GIT2: variants seen among roughly 807,000 people sequenced by gnomAD.
GIT2 encodes the protein GIT ArfGAP 2.
GIT2 carries 32 observed loss-of-function variants against 100.3 expected under a neutral mutation model. The ratio of observed to expected loss-of-function variants is 0.32; its 90% CI spans 0.24 to 0.43. The LOEUF (loss-of-function observed/expected upper bound fraction) is 0.43. Among genes scored for constraint, GIT2 ranks in the 20% least tolerant of loss-of-function variants. The probability of loss-of-function intolerance (pLI) is 1.00; values close to 1 mark genes in which losing one functional copy is unlikely to be tolerated. For missense variants in GIT2, 737 were observed against 975.1 expected, an observed-to-expected ratio of 0.76 and a Z score of 3.25; for synonymous variants, 353 against 364.1, an observed-to-expected ratio of 0.97 and a Z score of 0.35.
intron 7 of GIT2, among the ~76,000 whole-genome samples, chr12:109,971,732 C>A (rs958986151): frequency 1.3e-5 from 2 of 151,916 alleles, no homozygotes; most frequent in African/African-American, 4.8e-5. Context: ...GTGGCTCACA[C>A]CTGTAATCCC....
chr12:109,992,668 T>C (rs1361896330), intron 1 of GIT2, among the ~76,000 whole-genome samples: 1 of 152,034 alleles, frequency 6.6e-6, no homozygotes, highest in Admixed American at 6.6e-5. Flanking sequence ...TGAATTGGTT[T>C]GTTTGTCTGT....
intron 10 of GIT2, 107 bp from the exon 11 acceptor site, chr12:109,961,482 A>G (rs1286029604): frequency 1.1e-6 from 1 of 939,432 alleles, no homozygotes. Flanking sequence ...TGAAGCCAAC[A>G]CACGCAAAGG....
chr12:109,955,755 C>A (rs1203201396), intron 12 of GIT2, among the ~76,000 whole-genome samples: 1 of 152,062 alleles, frequency 6.6e-6, no homozygotes, highest in African/African-American at 2.4e-5. Flanking sequence ...GCTATGTCAC[C>A]CAGGCTGGAG....
Position 109,967,249 on chromosome 12 carries a change from T to C in GIT2, c.764+209A>G, listed in dbSNP as rs1312065885. On this transcript the variant is annotated intron_variant, in intron 8 of 19. Coordinates refer to ENST00000355312, the MANE Select transcript of GIT2 (RefSeq NM_057169.5). The stretch of plus-strand genomic sequence containing the variant: ...AGTGACAATATCACTGGTTTCAATT[T>C]TCCTATTAGTAAAATTGCTACTTGT... 6.9e-6 allele frequency: 8 copies of C among 1,160,652 alleles called. No homozygotes were observed. In the Admixed American group the frequency reaches 8.6e-5, roughly 12 times the overall value. 71.9% of individuals were successfully genotyped at this position (1,160,652 alleles called of 1,614,324 possible). A position where few individuals can be genotyped will look rare whatever the true frequency, so the allele number is the denominator to read the frequency against.
At chr12:109,938,261 G>C (rs534661900) in intron 18 of GIT2, 119 bp downstream of exon 18, 2 of 690,174 alleles carry the variant, frequency 2.9e-6, no homozygotes, top group South Asian at 2.0e-5. Flanking sequence ...ATGTAGACTT[G>C]TTTTCAATGA....
chr12:109,985,427 GA>G (rs551903451), intron 4 of GIT2, among the ~76,000 whole-genome samples: 3,061 of 151,986 alleles, frequency 0.02, 44 homozygotes, highest in Non-Finnish European at 0.031. Flanking sequence ...AAAGGGGGGG[GA>G]AAAAAGGCCA....
At chr12:109,966,659 AAAAAC>A (rs915836512) in intron 8 of GIT2, among the ~76,000 whole-genome samples, 75 of 152,222 alleles carry the variant, frequency 4.9e-4, no homozygotes, top group African/African-American at 1.8e-3. Context: ...CAAAGCAAAA[AAAAAC>A]AAAACAAAAC....
In GIT2 at chr12:109,948,123, T is replaced by TAAA; in HGVS notation, c.1393-622_1393-620dup. The TAAA allele has an allele frequency of 2.6e-6, 2 of 762,192 alleles. No individual in the cohort carries two copies. The highest frequency in any genetic ancestry group is 3.2e-6 in the Non-Finnish European group (2 of 631,040). The allele number at this position is 762,192 out of a possible 1,614,324, so 47.2% of individuals were successfully genotyped here. A position where few individuals can be genotyped will look rare whatever the true frequency, so the allele number is the denominator to read the frequency against. On this transcript the variant is annotated intron_variant, in intron 14 of 19. Coordinates refer to ENST00000355312, the MANE Select transcript of GIT2 (RefSeq NM_057169.5). This position sits in a 1 kb window ranked among gnomAD's most constrained non-coding sequence, Gnocchi z 4.3. ...ATATTCCAAACAATTCAGCACTTTG[T>TAAA]AAAAAAAAAAAGAAAAAAGAGAAAA...
At chr12:109,951,100 G>GC in intron 14 of GIT2, 67 bp downstream of exon 14, 1 of 1,356,212 alleles carries the variant, frequency 7.4e-7, no homozygotes, top group Non-Finnish European at 1.1e-6. Flanking sequence ...ACATCACAGT[G>GC]CCTGAGATTC....
chr12:109,966,909 TG>T (rs1275656952), intron 8 of GIT2, among the ~76,000 whole-genome samples: 2 of 152,212 alleles, frequency 1.3e-5, no homozygotes, highest in Non-Finnish European at 2.9e-5. Context: ...TTAAAATGTT[TG>T]GGGGCAAAAA....
chr12:109,973,347 G>A (rs1490800131), intron 7 of GIT2, among the ~76,000 whole-genome samples: 1 of 151,266 alleles, frequency 6.6e-6, no homozygotes, highest in Non-Finnish European at 1.5e-5. Flanking sequence ...CACCATGTTG[G>A]CCAGGCTGGT....
intron 4 of GIT2, among the ~76,000 whole-genome samples, chr12:109,988,645 G>T (rs1467720442): frequency 6.6e-6 from 1 of 151,886 alleles, no homozygotes; most frequent in Non-Finnish European, 1.5e-5. Flanking sequence ...CTGAGCTCAG[G>T]AGTTCGAAAC....
In GIT2 at chr12:109,996,293, T is replaced by C; in HGVS notation, c.-69A>G. On this transcript the variant is annotated 5_prime_UTR_variant, in exon 1 of 20. Transcript: ENST00000355312. ...GCAAAGGCGGCGGTGGCGGCGGCGC[T>C]TCCGCTCTAACGGGTCCCAGCTGCG... is the stretch of plus-strand genomic sequence containing the variant. 2 of 1,140,368 alleles carry C rather than the reference T, an allele frequency of 1.8e-6. No homozygotes were observed. Among genetic ancestry groups the C allele is most frequent in the Admixed American group, 2.2e-5 (1 of 44,516 alleles). The allele number at this position is 1,140,368 out of a possible 1,614,324, so 70.6% of individuals were successfully genotyped here.
intron 12 of GIT2, among the ~76,000 whole-genome samples, chr12:109,959,055 G>C (rs2136365467): frequency 6.6e-6 from 1 of 151,548 alleles, no homozygotes; most frequent in East Asian, 1.9e-4. Context: ...CAATCAGGAA[G>C]AGTTTTTCTT....
In GIT2 at chr12:109,983,741, GA is replaced by G. The variant is rs755914295; in HGVS notation, c.406-48del. ...AAGGAATCGTGGTTAGAGGTGTAAA[GA>G]ATGATGTCCTAGGGCAGCTGATAGA... is the stretch of plus-strand genomic sequence containing the variant. On this transcript the variant is annotated intron_variant, in intron 4 of 19. Transcript: ENST00000355312. 61 of 1,223,156 alleles carry G rather than the reference GA, an allele frequency of 5.0e-5. No homozygotes were observed. In the South Asian group the frequency reaches 6.5e-4, roughly 13 times the overall value. 75.8% of individuals were successfully genotyped at this position (1,223,156 alleles called of 1,614,324 possible).
intron 1 of GIT2, 26 bp from the exon 2 acceptor site, chr12:109,991,786 G>T (rs1405351724): frequency 5.0e-6 from 8 of 1,601,790 alleles, no homozygotes; most frequent in Non-Finnish European, 6.8e-6. Context: ...AATCTCAGTG[G>T]CAGGGATACC....
intron 12 of GIT2, among the ~76,000 whole-genome samples, chr12:109,954,736 TA>T (rs1043408628): frequency 2.0e-5 from 3 of 151,644 alleles, no homozygotes; most frequent in Non-Finnish European, 2.9e-5. Context: ...CCATCCCTAC[TA>T]AAAATACAAA....
chr12:109,971,522 C>T (rs1883864859), intron 7 of GIT2, among the ~76,000 whole-genome samples: 1 of 151,608 alleles, frequency 6.6e-6, no homozygotes, highest in Non-Finnish European at 1.5e-5. Flanking sequence ...GACAGGGCTT[C>T]CCCATGTTAA....
At chr12:109,999,825 C>CG, upstream of GIT2, 1 of 1,475,668 alleles carries the variant, frequency 6.8e-7, no homozygotes, top group Non-Finnish European at 9.1e-7. This position sits in a 1 kb window ranked among gnomAD's most constrained non-coding sequence, Gnocchi z 4.3. Flanking sequence ...GTGGGGACTT[C>CG]GGGGAATCGG....
Sources: gnomAD v4.1 joint callset for allele counts (sites outside exome capture counted in the v4.1 genomes callset) on GRCh38, gnomAD v4.1.1 for gene constraint, Gnocchi (gnomAD v3.1) non-coding constraint, MANE v1.5 for transcripts, NCBI Gene and HGNC (gene_info 2026-07-23, HGNC 2026-07-21) for gene names.